The following FOXK2 variants were observed in gnomAD, a reference collection of about 807,000 sequenced individuals.
FOXK2 encodes forkhead box protein K2.
FOXK2 carries 24 observed loss-of-function variants against 53.3 expected under a neutral mutation model. The observed-to-expected ratio is 0.45, with a 90% CI of 0.33 to 0.63. The LOEUF (loss-of-function observed/expected upper bound fraction) is 0.63. Among genes scored for constraint, FOXK2 ranks in the 30% least tolerant of loss-of-function variants. FOXK2 has a pLI of 0.03. For synonymous variants in FOXK2, 505 were observed against 407.1 expected, an observed-to-expected ratio of 1.24 and a Z score of -2.89; for missense variants, 952 against 910.5, an observed-to-expected ratio of 1.05 and a Z score of -0.59.
chr17:82,569,836 C>CTCTA (rs2143030026), intron 3 of FOXK2, among the ~76,000 whole-genome samples: 1 of 151,950 alleles, frequency 6.6e-6, no homozygotes, highest in East Asian at 1.9e-4. Context: ...AGCCACTGTA[C>CTCTA]TCTAGCCTGG....
chr17:82,554,261 T>C (rs2044702782), intron 1 of FOXK2, among the ~76,000 whole-genome samples: 1 of 152,180 alleles, frequency 6.6e-6, no homozygotes, highest in African/African-American at 2.4e-5. Context: ...TTAAATCTGA[T>C]TCATTTCTGT....
At chr17:82,575,935 C>T (rs1054519745) in intron 4 of FOXK2, among the ~76,000 whole-genome samples, 5 of 148,942 alleles carry the variant, frequency 3.4e-5, no homozygotes, top group East Asian at 4.0e-4. Flanking sequence ...TGGGTGGCGG[C>T]GGCGGGTTCA....
At chr17:82,583,972 G>C in intron 5 of FOXK2, 41 bp from the exon 6 acceptor site, 1 of 1,541,592 alleles carries the variant, frequency 6.5e-7, no homozygotes, top group Non-Finnish European at 8.8e-7. Flanking sequence ...TTCTGAGTGC[G>C]TCAGCTGTAA....
intron 1 of FOXK2, among the ~76,000 whole-genome samples, chr17:82,534,490 A>T (rs549827069): frequency 2.6e-5 from 4 of 152,320 alleles, no homozygotes; most frequent in Non-Finnish European, 4.4e-5. Flanking sequence ...CCTGCAGAGC[A>T]TGTGCACAGA....
At chr17:82,583,083 G>GCTGC (rs1192897843) in intron 5 of FOXK2, 149 bp downstream of exon 5, 1 of 603,570 alleles carries the variant, frequency 1.7e-6, no homozygotes, top group East Asian at 3.2e-5. Context: ...AGTGTTGGGT[G>GCTGC]CTGCCCAGGT....
Position 82,568,075 on chromosome 17 carries a change from C to T in FOXK2, c.636C>T (p.Ser212=), listed in dbSNP as rs1263810598. The change falls in exon 3 of 9, where the codon TCC becomes TCT. Residue 212 remains serine (S), a synonymous_variant. Coordinates refer to ENST00000335255, the MANE Select transcript of FOXK2 (RefSeq NM_004514.4). ...GTISAANSCP[S]SPRGAGSSGY... ...ACAGCGCTGCAAACTCCTGCCCCTC[C>T]AGCCCCCGGGGAGCGGGGTCTTCAG... 1 of 1,609,888 alleles carries T rather than the reference C, an allele frequency of 6.2e-7. No homozygotes were observed. The highest frequency in any genetic ancestry group is 1.3e-5 in the African/African-American group (1 of 74,524).
At chr17:82,546,256 A>C (rs1353786983) in intron 1 of FOXK2, among the ~76,000 whole-genome samples, 1 of 150,940 alleles carries the variant, frequency 6.6e-6, no homozygotes, top group African/African-American at 2.4e-5. Flanking sequence ...AGCTGGGATT[A>C]CAGGTGCCTG....
At chr17:82,546,906 G>A (rs907107676) in intron 1 of FOXK2, among the ~76,000 whole-genome samples, 4 of 151,874 alleles carry the variant, frequency 2.6e-5, no homozygotes, top group East Asian at 3.9e-4. Flanking sequence ...GTGAAACCCC[G>A]TCTCTACTAA....
At position 82,520,092 on chromosome 17, in the gene FOXK2, C is replaced by T. The variant is rs1433381019; in HGVS notation, c.204C>T (p.Ser68=). 1.3e-6 allele frequency: 2 copies of T among 1,545,602 alleles called. No homozygotes were observed. The highest frequency in any genetic ancestry group is 1.2e-5 in the South Asian group (1 of 85,250). Residue 68 remains serine, a synonymous_variant, in exon 1 of 9, where the codon AGC becomes AGT. Transcript: ENST00000335255. The stretch of plus-strand genomic sequence containing the variant: ...CGTCGCAGGGCTCGGTGGACGTGAG[C>T]ATGGGCCACTCGAGCTTCATCTCCC... ...RNSSQGSVDV[S]MGHSSFISRR...
At chr17:82,563,689 C>T in intron 2 of FOXK2, 141 bp downstream of exon 2, 4 of 677,908 alleles carry the variant, frequency 5.9e-6, no homozygotes, top group Non-Finnish European at 9.1e-6. Context: ...GATTTCTGCT[C>T]TGAATTTCCT....
chr17:82,564,457 A>G (rs2044832287), intron 2 of FOXK2, among the ~76,000 whole-genome samples: 1 of 151,890 alleles, frequency 6.6e-6, no homozygotes, highest in South Asian at 2.1e-4. Context: ...GATGAACTCA[A>G]ACTCCTGGAC....
chr17:82,595,121 C>T (rs1300900897), intron 8 of FOXK2, among the ~76,000 whole-genome samples: 1 of 152,194 alleles, frequency 6.6e-6, no homozygotes, highest in Admixed American at 6.5e-5. Flanking sequence ...CAAGTTCTAA[C>T]CATGGGGGCA....
chr17:82,555,197 A>G (rs2044712070), intron 1 of FOXK2, among the ~76,000 whole-genome samples: 2 of 152,174 alleles, frequency 1.3e-5, no homozygotes, highest in African/African-American at 2.4e-5. Flanking sequence ...TTGCAGGGCC[A>G]GGGAAGAGGC....
chr17:82,602,273 C>T lies in FOXK2; in HGVS notation c.*774C>T, dbSNP rs558950144. Reference sequence around the variant, plus strand: ...CGAGCCAGTGCCGGGAAGGAACTGCCGGGACTCACCGAGCTGCACTTAACT... The same window carrying T: ...CGAGCCAGTGCCGGGAAGGAACTGCTGGGACTCACCGAGCTGCACTTAACT... On this transcript the variant is annotated 3_prime_UTR_variant, in exon 9 of 9. Transcript: ENST00000335255. The T allele has an allele frequency of 3.3e-5, 5 of 152,244 alleles. No homozygotes were observed. Among genetic ancestry groups the T allele is most frequent in the South Asian group, 4.2e-4 (2 of 4,812 alleles). The allele number at this position is 152,244 out of a possible 1,614,324, so 9.4% of individuals were successfully genotyped here.
intron 1 of FOXK2, among the ~76,000 whole-genome samples, chr17:82,540,655 C>G (rs967556988): frequency 2.6e-5 from 4 of 152,166 alleles, no homozygotes; most frequent in African/African-American, 9.7e-5. Context: ...GCAGCTGCCT[C>G]TCCTGTAAGA....
intron 1 of FOXK2, among the ~76,000 whole-genome samples, chr17:82,525,827 G>C (rs2044411707): frequency 6.6e-6 from 1 of 152,140 alleles, no homozygotes; most frequent in African/African-American, 2.4e-5. Flanking sequence ...TATGCCAAAT[G>C]AACTCTATCA....
At chr17:82,545,421 A>G (rs2044614969) in intron 1 of FOXK2, among the ~76,000 whole-genome samples, 1 of 152,192 alleles carries the variant, frequency 6.6e-6, no homozygotes, top group Non-Finnish European at 1.5e-5. Context: ...TTTTGCACGT[A>G]GCTATTGGCC....
chr17:82,594,661 G>C lies in FOXK2; in HGVS notation c.1787-6642G>C, dbSNP rs185631503. 1.3e-5 allele frequency among the ~76,000 whole-genome samples: 2 copies of C among 152,316 alleles called. 1 individual carries two copies. The highest frequency in any genetic ancestry group is 1.3e-4 in the Admixed American group (2 of 15,304). ...AGTGAGGACCCTCAGGGTGGGGAAC[G>C]TCCCCTTGTGAGTGTCTGCAGATTG... is the stretch of plus-strand genomic sequence containing the variant. On this transcript the variant is annotated intron_variant, in intron 8 of 8. Coordinates refer to ENST00000335255, the MANE Select transcript of FOXK2 (RefSeq NM_004514.4).
At chr17:82,534,595 A>G (rs540122227) in intron 1 of FOXK2, among the ~76,000 whole-genome samples, 85 of 152,236 alleles carry the variant, frequency 5.6e-4, no homozygotes, top group African/African-American at 2.0e-3. Context: ...CCCTCCTGGG[A>G]CTGCGCTACT....
Sources: gnomAD v4.1 joint callset for allele counts (sites outside exome capture counted in the v4.1 genomes callset) on GRCh38, gnomAD v4.1.1 for gene constraint, MANE v1.5 for transcripts, NCBI Gene and HGNC (gene_info 2026-07-23, HGNC 2026-07-21) for gene names.